Variants in ALLC observed in about 807,000 individuals in gnomAD.
ALLC encodes probable inactive allantoicase.
A neutral mutation model predicts 45.0 loss-of-function variants in ALLC; 40 were observed. That is an observed-to-expected ratio of 0.89 (90% CI 0.69 to 1.16). The LOEUF is 1.16. ALLC is among the 50% of genes most tolerant of loss of function. The pLI is 0.00. For missense variants in ALLC, 488 were observed against 493.1 expected, an observed-to-expected ratio of 0.99 and a Z score of 0.10; for synonymous variants, 176 against 178.1, an observed-to-expected ratio of 0.99 and a Z score of 0.09.
At chr2:3,679,030 C>T (rs545296227) in intron 4 of ALLC, among the ~76,000 whole-genome samples, 21 of 152,232 alleles carry the variant, frequency 1.4e-4, no homozygotes, top group African/African-American at 3.4e-4. Flanking sequence ...CTGTCTTTTA[C>T]GATTTTATGC....
chr2:3,652,010 C>A, the ALLC span, among the ~76,000 whole-genome samples: 1 of 152,198 alleles, frequency 6.6e-6, no homozygotes, highest in East Asian at 1.9e-4. Flanking sequence ...GAACCAAGAA[C>A]CACACGTTTC....
chr2:3,688,220 G>T, intron 7 of ALLC: 1 of 169,544 alleles, frequency 5.9e-6, no homozygotes, highest in South Asian at 1.3e-4. Flanking sequence ...CCTTTTTGAT[G>T]GTGTCATATT....
intron 3 of ALLC, among the ~76,000 whole-genome samples, chr2:3,676,944 C>T (rs548529246): frequency 2.0e-4 from 30 of 152,118 alleles, no homozygotes; most frequent in African/African-American, 5.1e-4. Flanking sequence ...CCCGCCACCA[C>T]GCCCAGCTAA....
chr2:3,671,013 A>C (rs1237425067), intron 1 of ALLC, 83 bp from the exon 2 acceptor site: 1 of 770,370 alleles, frequency 1.3e-6, no homozygotes, highest in Non-Finnish European at 2.1e-6. Context: ...TGAAAGTCTC[A>C]AATCTTAGCG....
chr2:3,666,666 T>G (rs1343128920), intron 1 of ALLC, among the ~76,000 whole-genome samples: 5 of 152,392 alleles, frequency 3.3e-5, no homozygotes, highest in African/African-American at 1.2e-4. Flanking sequence ...CCAGCCTTGA[T>G]GAGCACGCCG....
chr2:3,691,551 T>A (rs1667519001), intron 7 of ALLC, among the ~76,000 whole-genome samples: 1 of 152,192 alleles, frequency 6.6e-6, no homozygotes, highest in Non-Finnish European at 1.5e-5. Flanking sequence ...GCATGAGCCA[T>A]CATACCCAGC....
chr2:3,675,374 A>T lies in ALLC; in HGVS notation c.84+1249A>T, dbSNP rs1204642489. On this transcript the variant is annotated intron_variant, in intron 3 of 11. Coordinates refer to ENST00000252505, the MANE Select transcript of ALLC (RefSeq NM_018436.4). ...CACTGCACTCCAGCCTGGGTGACAGAGTAAGACCCTGTCAAAAAAAAAAAA... is the reference window on the plus strand; with the variant it reads ...CACTGCACTCCAGCCTGGGTGACAGTGTAAGACCCTGTCAAAAAAAAAAAA... 4.4e-5 allele frequency among the ~76,000 whole-genome samples: 6 copies of T among 137,010 alleles called. No homozygotes were observed. In the East Asian group the frequency reaches 1.3e-3, roughly 30 times the overall value. The allele number at this position is 137,010 out of a possible 152,430, so 89.9% of individuals were successfully genotyped here.
intron 1 of ALLC, 144 bp downstream of exon 1, chr2:3,658,438 A>G (rs1397544785): frequency 1.3e-5 from 2 of 152,242 alleles, no homozygotes; most frequent in African/African-American, 4.8e-5. Context: ...GACAGACACC[A>G]CTTTGTGCCG....
intron 4 of ALLC, among the ~76,000 whole-genome samples, chr2:3,678,873 T>C (rs867485238): frequency 1.7e-4 from 26 of 152,186 alleles, no homozygotes; most frequent in Admixed American, 1.2e-3. Context: ...GCGTGCATCT[T>C]CTGGGTCCTT....
At chr2:3,656,728 A>C (rs557540341), upstream of ALLC, among the ~76,000 whole-genome samples, 144 of 152,030 alleles carry the variant, frequency 9.5e-4, no homozygotes, top group African/African-American at 3.3e-3. Flanking sequence ...CACTTTAACC[A>C]GCTCGTAGGT....
chr2:3,682,184 A>T (rs2148008222), intron 6 of ALLC, among the ~76,000 whole-genome samples: 1 of 152,344 alleles, frequency 6.6e-6, no homozygotes, highest in East Asian at 1.9e-4. Flanking sequence ...CAGACAGGAA[A>T]GTAAATAACA....
chr2:3,657,315 G>A (rs545239246), upstream of ALLC, among the ~76,000 whole-genome samples: 1 of 152,334 alleles, frequency 6.6e-6, no homozygotes, highest in East Asian at 1.9e-4. Context: ...GAAAGCTGGA[G>A]TTCAGGAGGA....
chr2:3,702,646 A>T lies in ALLC; in HGVS notation c.*83A>T. Reference sequence around the variant, plus strand: ...TTTCAAATGTTTTGAACACCTGGTGATTTAATAAAGTGGTCGTCTCACAAA... The same window carrying T: ...TTTCAAATGTTTTGAACACCTGGTGTTTTAATAAAGTGGTCGTCTCACAAA... On this transcript the variant is annotated 3_prime_UTR_variant, in exon 12 of 12. Coordinates refer to ENST00000252505, the MANE Select transcript of ALLC (RefSeq NM_018436.4). The T allele has an allele frequency of 7.2e-7, 1 of 1,383,450 alleles. No homozygotes were observed. Among genetic ancestry groups the T allele is most frequent in the Non-Finnish European group, 9.6e-7 (1 of 1,039,204 alleles). The allele number at this position is 1,383,450 out of a possible 1,614,324, so 85.7% of individuals were successfully genotyped here. A position where few individuals can be genotyped will look rare whatever the true frequency, so the allele number is the denominator to read the frequency against.
the ALLC span, among the ~76,000 whole-genome samples, chr2:3,649,334 T>C: frequency 2.0e-5 from 3 of 151,230 alleles, no homozygotes; most frequent in African/African-American, 4.9e-5. Context: ...CTCCACCTCC[T>C]GGGTTCACGC....
chr2:3,667,209 C>T (rs1304537717), intron 1 of ALLC, among the ~76,000 whole-genome samples: 4 of 152,190 alleles, frequency 2.6e-5, no homozygotes, highest in East Asian at 1.9e-4. Context: ...GCTCACTGAG[C>T]GTGTGTCTTC....
chr2:3,677,923 C>T (rs1342809846), intron 3 of ALLC, among the ~76,000 whole-genome samples: 1 of 152,196 alleles, frequency 6.6e-6, no homozygotes, highest in African/African-American at 2.4e-5. Flanking sequence ...TGCGAGGATG[C>T]GTGTATCCTC....
chr2:3,688,426 G>A (rs1466149651), intron 7 of ALLC: 2 of 177,104 alleles, frequency 1.1e-5, no homozygotes, highest in African/African-American at 4.8e-5. Flanking sequence ...GGCACCCATG[G>A]TCTTCGGAGT....
intron 1 of ALLC, among the ~76,000 whole-genome samples, chr2:3,664,600 C>T (rs1230856762): frequency 3.3e-5 from 5 of 152,094 alleles, no homozygotes; most frequent in Non-Finnish European, 7.4e-5. Context: ...GCAGATGTTT[C>T]GGGCCAGGTG....
rs140611172 is a variant in ALLC, at chr2:3,694,112, A to G, written c.512-1605A>G. Among the ~76,000 whole-genome samples the G allele has an allele frequency of 8.5e-4, 130 of 152,360 alleles. No homozygotes were observed. In the East Asian group the frequency reaches 0.023, roughly 26 times the overall value. On this transcript the variant is annotated intron_variant, in intron 7 of 11. Transcript: ENST00000252505. ...TCTGATCCACCAAAATAGCAACTTTATATGTCCAACCCAATTTGTACAGGA... is the reference window on the plus strand; with the variant it reads ...TCTGATCCACCAAAATAGCAACTTTGTATGTCCAACCCAATTTGTACAGGA...
Sources: allele counts gnomAD v4.1 joint callset (sites outside exome capture counted in the v4.1 genomes callset), GRCh38; gene constraint gnomAD v4.1.1; transcripts MANE v1.5; gene names NCBI Gene and HGNC (gene_info 2026-07-23, HGNC 2026-07-21).